The following PTK2 variants were observed in gnomAD, a reference collection of about 807,000 sequenced individuals.
PTK2 encodes protein tyrosine kinase 2, also known as focal adhesion kinase 1.
PTK2 carries 45 observed loss-of-function variants against 150.1 expected under a neutral mutation model. That is an observed-to-expected ratio of 0.30 (90% CI 0.24 to 0.38). The LOEUF is 0.38. Ranked by LOEUF, PTK2 falls within the 10% of genes least tolerant of loss-of-function variation. The probability of loss-of-function intolerance (pLI) is 1.00; values close to 1 mark genes in which losing one functional copy is unlikely to be tolerated. For missense variants in PTK2, 919 were observed against 1,307.3 expected (o/e 0.70, Z 4.58); for synonymous variants, 432 against 449.2 (o/e 0.96, Z 0.48).
chr8:140,951,298 C>T (rs1017479275), intron 1 of PTK2, among the ~76,000 whole-genome samples: 5 of 152,178 alleles, frequency 3.3e-5, no homozygotes, highest in African/African-American at 9.7e-5. Context: ...GAACCAACTC[C>T]GCCAAAGCTA....
chr8:140,893,910 G>A (rs1425969318), intron 2 of PTK2, among the ~76,000 whole-genome samples: 2 of 152,052 alleles, frequency 1.3e-5, no homozygotes, highest in Non-Finnish European at 2.9e-5. Context: ...ACTGCTGATG[G>A]GAATGTGAAT....
chr8:140,989,882 T>G (rs2100195017), intron 1 of PTK2, among the ~76,000 whole-genome samples: 1 of 144,116 alleles, frequency 6.9e-6, no homozygotes, highest in African/African-American at 2.6e-5. Context: ...CACTCCAGTC[T>G]GGGCAACAAG....
intron 29 of PTK2, 65 bp downstream of exon 33, chr8:140,669,662 T>A: frequency 6.6e-7 from 1 of 1,504,232 alleles, no homozygotes; most frequent in East Asian, 2.5e-5. Context: ...AGTCCAAAGT[T>A]ACATGCAGAG....
chr8:140,793,121 T>A (rs960142569), intron 13 of PTK2, among the ~76,000 whole-genome samples: 2 of 152,238 alleles, frequency 1.3e-5, no homozygotes, highest in African/African-American at 4.8e-5. Flanking sequence ...CTCAACATTA[T>A]GATTATTCTT....
intron 17 of PTK2, among the ~76,000 whole-genome samples, chr8:140,748,681 G>T (rs1025945358): frequency 1.3e-5 from 2 of 152,112 alleles, no homozygotes; most frequent in Admixed American, 1.3e-4. Flanking sequence ...GAGCCAAGAT[G>T]ACCAAGAGGG....
intron 26 of PTK2, among the ~76,000 whole-genome samples, chr8:140,694,403 A>C (rs2100025202): frequency 6.6e-6 from 1 of 152,272 alleles, no homozygotes; most frequent in South Asian, 2.1e-4. Context: ...CTGTCAAAAA[A>C]GTCTGGCTTA....
At chr8:140,795,551 C>T (rs372563900) in intron 12 of PTK2, among the ~76,000 whole-genome samples, 3 of 152,174 alleles carry the variant, frequency 2.0e-5, no homozygotes, top group Non-Finnish European at 4.4e-5. Flanking sequence ...TTATTTTTCT[C>T]GATACAGCTC....
intron 2 of PTK2, among the ~76,000 whole-genome samples, chr8:140,905,073 T>C (rs1379580102): frequency 1.3e-5 from 2 of 152,224 alleles, no homozygotes; most frequent in African/African-American, 4.8e-5. Context: ...CTAGTTCTTT[T>C]AATTGTCATG....
At chr8:140,698,497 A>AG (rs2100028209) in intron 26 of PTK2, among the ~76,000 whole-genome samples, 2 of 152,338 alleles carry the variant, frequency 1.3e-5, no homozygotes, top group East Asian at 1.9e-4. Flanking sequence ...TCTGTCACCC[A>AG]GGCTGGAGTG....
chr8:140,761,659 C>A (rs965721105), intron 15 of PTK2, among the ~76,000 whole-genome samples: 1 of 151,934 alleles, frequency 6.6e-6, no homozygotes, highest in African/African-American at 2.4e-5. Context: ...GTTATTAAAG[C>A]AATTATTTTA....
At chr8:140,973,260 C>T (rs976720786) in intron 1 of PTK2, among the ~76,000 whole-genome samples, 1 of 152,126 alleles carries the variant, frequency 6.6e-6, no homozygotes, top group Non-Finnish European at 1.5e-5. Context: ...GAAGCTCGTC[C>T]GATAAAGCTG....
At chr8:140,941,627 C>T (rs539268744) in intron 1 of PTK2, among the ~76,000 whole-genome samples, 3 of 152,190 alleles carry the variant, frequency 2.0e-5, no homozygotes, top group South Asian at 2.1e-4. Flanking sequence ...GGCTTTTTAA[C>T]CAAGAGTTTA....
At chr8:140,958,542 T>C (rs1319346155) in intron 1 of PTK2, among the ~76,000 whole-genome samples, 1 of 152,210 alleles carries the variant, frequency 6.6e-6, no homozygotes, top group Non-Finnish European at 1.5e-5. Flanking sequence ...TAATAAGATG[T>C]TATCCATCAT....
In PTK2 at chr8:140,988,793, C is replaced by T. The variant is rs1569544157; in HGVS notation, c.-122+12332G>A. On this transcript the variant is annotated intron_variant, in intron 1 of 31. Coordinates refer to ENST00000522684, the Ensembl canonical transcript of PTK2. ...GACAAGTGATTTACAACAAAGGTGG[C>T]GCTGCAGAGAAGTAGGGAAAAAGAT... Among the ~76,000 whole-genome samples the T allele has an allele frequency of 2.0e-5, 3 of 149,326 alleles. No homozygotes were observed. In the South Asian group the frequency reaches 6.3e-4, roughly 32 times the overall value.
At chr8:140,694,198 G>A (rs543970476) in intron 26 of PTK2, among the ~76,000 whole-genome samples, 1 of 151,950 alleles carries the variant, frequency 6.6e-6, no homozygotes, top group Non-Finnish European at 1.5e-5. Context: ...CTGCCACTAC[G>A]CCCAGCTAAT....
chr8:140,907,998 G>A (rs1269432248), intron 2 of PTK2, among the ~76,000 whole-genome samples: 1 of 152,154 alleles, frequency 6.6e-6, no homozygotes, highest in Non-Finnish European at 1.5e-5. Context: ...CGCTAGAAAT[G>A]ATTAAGCCTA....
At chr8:140,815,009 C>A (rs2154601400) in intron 10 of PTK2, among the ~76,000 whole-genome samples, 1 of 152,168 alleles carries the variant, frequency 6.6e-6, no homozygotes, top group East Asian at 1.9e-4. Context: ...CTCCTGACCT[C>A]GTGATCCGCC....
chr8:140,713,344 T>C (rs1217413272), intron 23 of PTK2, among the ~76,000 whole-genome samples: 1 of 152,204 alleles, frequency 6.6e-6, no homozygotes, highest in African/African-American at 2.4e-5. Context: ...CAGTGCAACC[T>C]GTGCCTCCTG....
chr8:140,837,557 C>G (rs987503768), intron 7 of PTK2, among the ~76,000 whole-genome samples: 2 of 151,574 alleles, frequency 1.3e-5, no homozygotes, highest in Non-Finnish European at 2.9e-5. Flanking sequence ...GATGAAACCC[C>G]ATCGCTACTA....
Sources: gnomAD v4.1 joint callset for allele counts (sites outside exome capture counted in the v4.1 genomes callset) on GRCh38, gnomAD v4.1.1 for gene constraint, MANE v1.5 for transcripts, NCBI Gene and HGNC (gene_info 2026-07-23, HGNC 2026-07-21) for gene names.